Variants in ZNF536 observed in about 807,000 individuals in gnomAD.
The protein encoded by ZNF536 is zinc finger protein 536.
A neutral mutation model predicts 84.5 loss-of-function variants in ZNF536; 13 were observed. That is an observed-to-expected ratio of 0.15 (90% confidence interval 0.10 to 0.24). ZNF536 has a LOEUF of 0.24. ZNF536 is among the 10% of genes least tolerant of loss of function. ZNF536 has a pLI of 1.00. For synonymous variants in ZNF536, 811 were observed against 742.5 expected (o/e 1.09, Z -1.50); for missense variants, 1,536 against 1,747.5 (o/e 0.88, Z 2.16).
intron 2 of ZNF536, among the ~76,000 whole-genome samples, chr19:30,322,028 C>G (rs1319873240): frequency 6.6e-6 from 1 of 152,186 alleles, no homozygotes; most frequent in Non-Finnish European, 1.5e-5. Context: ...CCTGCCTTGG[C>G]CTCCCAAAGT....
At chr19:30,613,405 A>G (rs2048170908) in intron 1 of ZNF536, among the ~76,000 whole-genome samples, 1 of 152,118 alleles carries the variant, frequency 6.6e-6, no homozygotes, top group African/African-American at 2.4e-5. Context: ...TCAATCCTAC[A>G]TGTCTTAAAT....
At chr19:30,394,647 G>C (rs942284058) in intron 1 of ZNF536, among the ~76,000 whole-genome samples, 1 of 152,154 alleles carries the variant, frequency 6.6e-6, no homozygotes, top group Admixed American at 6.5e-5. Flanking sequence ...GGTGGTAATT[G>C]TTTGCCCCAC....
intron 1 of ZNF536, among the ~76,000 whole-genome samples, chr19:30,269,076 T>A (rs1245927493): frequency 6.6e-6 from 1 of 152,238 alleles, no homozygotes; most frequent in Non-Finnish European, 1.5e-5. Flanking sequence ...ACTCACGGTC[T>A]TTAGTGAACA....
At chr19:30,437,260 T>C (rs1343073168) in intron 1 of ZNF536, among the ~76,000 whole-genome samples, 1 of 152,184 alleles carries the variant, frequency 6.6e-6, no homozygotes, top group Non-Finnish European at 1.5e-5. Flanking sequence ...TTAAATTTCA[T>C]TTTGAGTGAA....
rs932289741 is a variant in ZNF536 at position 30,228,552 on chromosome 19, C to G, written c.-311C>G. Reference sequence around the variant, plus strand: ...CGGCGTCAGATCCATCCCGCGCCTCCCAGTCCGGAGTCCATTTGCATAATT... The same window carrying G: ...CGGCGTCAGATCCATCCCGCGCCTCGCAGTCCGGAGTCCATTTGCATAATT... On this transcript the variant is annotated 5_prime_UTR_variant, in exon 1 of 6. Transcript: ENST00000585628. The surrounding 1 kb of genome is among the most constrained non-coding windows in gnomAD (Gnocchi z 4.5). The G allele has an allele frequency of 1.3e-5, 2 of 152,124 alleles. No individual in the cohort carries two copies. The highest frequency in any genetic ancestry group is 4.8e-5 in the African/African-American group (2 of 41,416). 9.4% of individuals were successfully genotyped at this position (152,124 alleles called of 1,614,324 possible). A position where few individuals can be genotyped will look rare whatever the true frequency, so the allele number is the denominator to read the frequency against.
chr19:30,666,023 G>T (rs1661517063), intron 1 of ZNF536, among the ~76,000 whole-genome samples: 3 of 152,328 alleles, frequency 2.0e-5, no homozygotes, highest in South Asian at 4.1e-4. Context: ...CAGCCCCAAA[G>T]GGCTCTGAGG....
chr19:30,450,070 T>A (rs1391406848), intron 2 of ZNF536, among the ~76,000 whole-genome samples: 1 of 133,896 alleles, frequency 7.5e-6, no homozygotes, highest in African/African-American at 2.7e-5. Flanking sequence ...AGGATTAAGA[T>A]CTTCATTTTT....
At chr19:30,227,391 C>A (rs1427355494), upstream of ZNF536, among the ~76,000 whole-genome samples, 1 of 151,952 alleles carries the variant, frequency 6.6e-6, no homozygotes, top group Non-Finnish European at 1.5e-5. Context: ...GAGTTGAGGA[C>A]GCAGTGGCCA....
At chr19:30,629,902 G>A (rs2048828449) in intron 1 of ZNF536, among the ~76,000 whole-genome samples, 1 of 152,240 alleles carries the variant, frequency 6.6e-6, no homozygotes, top group African/African-American at 2.4e-5. Context: ...TGCTCAGCCA[G>A]AACCAGGTGA....
intron 1 of ZNF536, among the ~76,000 whole-genome samples, chr19:30,659,641 G>A (rs57547314): frequency 0.02 from 3,093 of 152,282 alleles, 105 homozygotes; most frequent in African/African-American, 0.071. Context: ...TGCCAGCAGG[G>A]GAAATGCCAG....
At chr19:30,507,030 C>G (rs1272234717) in intron 2 of ZNF536, among the ~76,000 whole-genome samples, 1 of 152,162 alleles carries the variant, frequency 6.6e-6, no homozygotes, top group Non-Finnish European at 1.5e-5. Context: ...TCTGCTTTTG[C>G]CACTTAATAC....
chr19:30,422,904 C>T (rs374646307), intron 1 of ZNF536, among the ~76,000 whole-genome samples: 3 of 121,832 alleles, frequency 2.5e-5, no homozygotes, highest in Non-Finnish European at 3.4e-5. Context: ...TACCCACCCA[C>T]CCATCCCTCC....
At position 30,405,830 on chromosome 19, in the gene ZNF536, T is replaced by C. The variant is rs146539452; in HGVS notation, c.-3+33274T>C. On this transcript the variant is annotated intron_variant, in intron 1 of 4. Coordinates refer to ENST00000355537, the MANE Select transcript of ZNF536 (RefSeq NM_014717.3). Reference sequence around the variant, plus strand: ...TCTCACTCTGTATCCCAGGTTGGAGTGCACTGGCACAATCTCCACTCACTG... The same window carrying C: ...TCTCACTCTGTATCCCAGGTTGGAGCGCACTGGCACAATCTCCACTCACTG... Among the ~76,000 whole-genome samples the C allele has an allele frequency of 3.0e-4, 45 of 151,240 alleles. No homozygotes were observed. In the East Asian group the frequency reaches 7.4e-3, roughly 25 times the overall value.
At chr19:30,432,072 G>T (rs1023957041) in intron 1 of ZNF536, among the ~76,000 whole-genome samples, 2 of 151,368 alleles carry the variant, frequency 1.3e-5, no homozygotes, top group African/African-American at 4.9e-5. Context: ...GAGAGAGAGA[G>T]TTCTTGTTGC....
At chr19:30,461,298 G>A (rs2053123595) in intron 2 of ZNF536, among the ~76,000 whole-genome samples, 1 of 152,118 alleles carries the variant, frequency 6.6e-6, no homozygotes, top group African/African-American at 2.4e-5. Flanking sequence ...TCCACCTTTG[G>A]GCCATGCTGG....
chr19:30,444,854 T>A lies in ZNF536; in HGVS notation c.1292T>A (p.Leu431His), dbSNP rs2148201307. ...CACGCCAACCTGTACTCCAGGTACC[T>A]CTCCTGCCTGCAGAGTGGCTTCATG... is the stretch of plus-strand genomic sequence containing the variant. ...EAHANLYSRY[L>H]SCLQSGFMTP... The change falls in exon 2 of 5, where the codon CTC becomes CAC. Residue 431 changes from leucine to histidine, a missense_variant. Physicochemically the swap from Leu to His is moderately conservative, Grantham distance 99. Coordinates refer to ENST00000355537, the MANE Select transcript of ZNF536 (RefSeq NM_014717.3). 6.2e-7 allele frequency: 1 copy of A among 1,613,456 alleles called. No homozygotes were observed. Among genetic ancestry groups the A allele is most frequent in the Non-Finnish European group, 8.5e-7 (1 of 1,179,940 alleles).
chr19:30,337,044 T>G (rs1259033143), intron 2 of ZNF536, among the ~76,000 whole-genome samples: 4 of 151,928 alleles, frequency 2.6e-5, no homozygotes, highest in Non-Finnish European at 5.9e-5. Flanking sequence ...GGCTATCTCT[T>G]GCAGGTCTTG....
intron 2 of ZNF536, among the ~76,000 whole-genome samples, chr19:30,290,231 T>C (rs138858543): frequency 0.025 from 3,734 of 152,338 alleles, 150 homozygotes; most frequent in African/African-American, 0.086. Flanking sequence ...CTGAAAAAGA[T>C]TCTGCTATAC....
chr19:30,279,246 C>T (rs1235171492), intron 1 of ZNF536, among the ~76,000 whole-genome samples: 1 of 152,238 alleles, frequency 6.6e-6, no homozygotes, highest in Admixed American at 6.5e-5. Context: ...TTACTTTTGT[C>T]TTTCATTTGA....
Sources: gnomAD v4.1 joint callset for allele counts (sites outside exome capture counted in the v4.1 genomes callset) on GRCh38, gnomAD v4.1.1 for gene constraint, Gnocchi (gnomAD v3.1) non-coding constraint, MANE v1.5 for transcripts, NCBI Gene and HGNC (gene_info 2026-07-23, HGNC 2026-07-21) for gene names.